Variants in WIPF1 observed in about 807,000 individuals in gnomAD.
WIPF1 encodes WAS/WASL-interacting protein family member 1.
In WIPF1, 13 loss-of-function variants were observed where a neutral mutation model predicts 35.4. The observed-to-expected ratio is 0.37, with a 90% CI of 0.24 to 0.58. The LOEUF is 0.58. WIPF1 is among the 20% of genes least tolerant of loss of function. WIPF1 has a pLI of 0.74. For missense variants in WIPF1, 591 were observed against 667.0 expected (o/e 0.89, Z 1.25); for synonymous variants, 267 against 266.3 (o/e 1.00, Z -0.02).
intron 1 of WIPF1, among the ~76,000 whole-genome samples, chr2:174,669,834 C>T (rs557058462): frequency 2.0e-5 from 3 of 152,280 alleles, no homozygotes; most frequent in Admixed American, 2.0e-4. Flanking sequence ...TATGATTGTG[C>T]CACTGCACTC....
chr2:174,666,496 A>C (rs974899778), intron 1 of WIPF1, among the ~76,000 whole-genome samples: 1 of 152,172 alleles, frequency 6.6e-6, no homozygotes, highest in Non-Finnish European at 1.5e-5. Context: ...GTTATGGCAC[A>C]CCCTGCCCTC....
intron 1 of WIPF1, among the ~76,000 whole-genome samples, chr2:174,655,162 G>A (rs913965083): frequency 2.6e-5 from 4 of 151,226 alleles, no homozygotes; most frequent in African/African-American, 7.4e-5. Flanking sequence ...CCCTTCCCTC[G>A]TATTCACCCC....
chr2:174,663,781 T>C (rs1687831077), intron 1 of WIPF1, among the ~76,000 whole-genome samples: 2 of 152,214 alleles, frequency 1.3e-5, no homozygotes, highest in South Asian at 4.1e-4. Context: ...GTGCCTTGGA[T>C]AATCTAGAAA....
intron 1 of WIPF1, among the ~76,000 whole-genome samples, chr2:174,614,075 C>G (rs1255146607): frequency 6.6e-6 from 1 of 152,136 alleles, no homozygotes; most frequent in Non-Finnish European, 1.5e-5. Context: ...TCACTAGACT[C>G]AATGAACACA....
intron 1 of WIPF1, among the ~76,000 whole-genome samples, chr2:174,611,797 A>T (rs1686355173): frequency 6.6e-6 from 1 of 152,238 alleles, no homozygotes; most frequent in African/African-American, 2.4e-5. Flanking sequence ...CAGAGAAGAC[A>T]TTTAGTTGGA....
chr2:174,636,975 T>C (rs1048334885), intron 1 of WIPF1, among the ~76,000 whole-genome samples: 9 of 152,210 alleles, frequency 5.9e-5, no homozygotes, highest in Non-Finnish European at 1.2e-4. Context: ...TTCCATATCA[T>C]ACTCTTTCGA....
chr2:174,609,498 G>A (rs1574832939), intron 1 of WIPF1, among the ~76,000 whole-genome samples: 1 of 152,082 alleles, frequency 6.6e-6, no homozygotes, highest in Non-Finnish European at 1.5e-5. Context: ...CACACCCACC[G>A]TGATCCTACG....
upstream of WIPF1, among the ~76,000 whole-genome samples, chr2:174,599,471 G>A (rs971873673): frequency 2.6e-5 from 4 of 152,106 alleles, no homozygotes; most frequent in Admixed American, 2.0e-4. Flanking sequence ...GCTTTGCCTG[G>A]AGCCCCTTGA....
intron 1 of WIPF1, among the ~76,000 whole-genome samples, chr2:174,617,151 G>T (rs1340992834): frequency 6.6e-6 from 1 of 151,982 alleles, no homozygotes; most frequent in Non-Finnish European, 1.5e-5. Context: ...TCAAGTGTTG[G>T]CCATAATATT....
intron 1 of WIPF1, among the ~76,000 whole-genome samples, chr2:174,592,487 A>G (rs182597215): frequency 6.7e-6 from 1 of 149,262 alleles, no homozygotes; most frequent in Non-Finnish European, 1.5e-5. Flanking sequence ...CAATAGAGGA[A>G]TATTTTATTT....
chr2:174,659,383 T>G (rs573263792), intron 1 of WIPF1, among the ~76,000 whole-genome samples: 1 of 152,318 alleles, frequency 6.6e-6, no homozygotes, highest in East Asian at 1.9e-4. Flanking sequence ...AAGAATATAG[T>G]GCATGGGACA....
chr2:174,669,937 T>C (rs554872014), intron 1 of WIPF1, among the ~76,000 whole-genome samples: 1 of 151,520 alleles, frequency 6.6e-6, no homozygotes, highest in South Asian at 2.1e-4. Flanking sequence ...TGGAGAGGAG[T>C]GCGGAAGTGT....
intron 5 of WIPF1, among the ~76,000 whole-genome samples, chr2:174,570,002 C>T (rs1214621821): frequency 6.6e-6 from 1 of 152,236 alleles, no homozygotes; most frequent in African/African-American, 2.4e-5. Flanking sequence ...TGCACACTCA[C>T]TGACCCAGAT....
chr2:174,601,988 G>T (rs1165070212), upstream of WIPF1, among the ~76,000 whole-genome samples: 2 of 152,198 alleles, frequency 1.3e-5, no homozygotes, highest in African/African-American at 2.4e-5. Flanking sequence ...GGAGAGAAAG[G>T]CTGTGATGCG....
At chr2:174,621,350 A>C (rs1207479746) in intron 1 of WIPF1, among the ~76,000 whole-genome samples, 1 of 152,222 alleles carries the variant, frequency 6.6e-6, no homozygotes, top group Non-Finnish European at 1.5e-5. Context: ...GTACACATTG[A>C]GCTTGAGATC....
intron 1 of WIPF1, among the ~76,000 whole-genome samples, chr2:174,589,006 C>T (rs892720019): frequency 3.9e-5 from 6 of 152,192 alleles, no homozygotes; most frequent in African/African-American, 1.4e-4. Flanking sequence ...CCTCTCTCCT[C>T]CCTTCTAGCT....
intron 1 of WIPF1, among the ~76,000 whole-genome samples, chr2:174,679,693 T>C (rs2105998798): frequency 6.6e-6 from 1 of 152,300 alleles, no homozygotes; most frequent in Admixed American, 6.5e-5. Context: ...AGTTAAAGTG[T>C]ATTAAGCAGA....
intron 7 of WIPF1, among the ~76,000 whole-genome samples, chr2:174,564,586 G>T (rs955804435): frequency 1.3e-5 from 2 of 152,138 alleles, no homozygotes; most frequent in African/African-American, 4.8e-5. Flanking sequence ...CTTAAAGGAG[G>T]ATGGGAGAAG....
intron 1 of WIPF1, among the ~76,000 whole-genome samples, chr2:174,614,869 T>C (rs1021779100): frequency 4.6e-5 from 7 of 152,164 alleles, no homozygotes; most frequent in African/African-American, 1.2e-4. Context: ...AATGTTGAGA[T>C]TAAGTTTTCT....
Sources: gnomAD v4.1 joint callset for allele counts (sites outside exome capture counted in the v4.1 genomes callset) on GRCh38, gnomAD v4.1.1 for gene constraint, MANE v1.5 for transcripts, NCBI Gene and HGNC (gene_info 2026-07-23, HGNC 2026-07-21) for gene names.